The following PCDHGA8 variants were observed in gnomAD, a reference collection of about 807,000 sequenced individuals.
PCDHGA8 encodes the protein protocadherin gamma-A8.
A neutral mutation model predicts 59.2 loss-of-function variants in PCDHGA8; 45 were observed. The observed-to-expected ratio is 0.76, with a 90% CI of 0.60 to 0.98. The LOEUF is 0.98. PCDHGA8 is among the 50% of genes least tolerant of loss of function. The pLI, the probability that PCDHGA8 is intolerant of heterozygous loss-of-function variation, is 0.00. For missense variants in PCDHGA8, 1,257 were observed against 1,196.2 expected (o/e 1.05, Z -0.75); for synonymous variants, 531 against 519.0 (o/e 1.02, Z -0.32).
rs754835805 is a variant in PCDHGA8 at position 141,415,008 on chromosome 5, T to C, written c.2424+19771T>C. ...GCCAGAACGCCTGGCTGTCCTACCGTCTGCTCAAGGCCAGCGAGCCGGGAC... is the reference window on the plus strand; with the variant it reads ...GCCAGAACGCCTGGCTGTCCTACCGCCTGCTCAAGGCCAGCGAGCCGGGAC... On this transcript the variant is annotated intron_variant, in intron 1 of 3. Transcript: ENST00000398604. 3.1e-6 allele frequency: 5 copies of C among 1,613,636 alleles called. No individual in the cohort carries two copies. The South Asian group carries it at 3.3e-5, about 11-fold the overall frequency.
intron 1 of PCDHGA8, among the ~76,000 whole-genome samples, chr5:141,465,091 G>A (rs1689517062): frequency 6.7e-6 from 1 of 149,016 alleles, no homozygotes; most frequent in Non-Finnish European, 1.5e-5. Context: ...CATTTTTCTA[G>A]TAGTTTTTTT....
intron 1 of PCDHGA8, among the ~76,000 whole-genome samples, chr5:141,448,617 T>C (rs1318664360): frequency 2.0e-5 from 3 of 152,150 alleles, no homozygotes; most frequent in Non-Finnish European, 2.9e-5. Flanking sequence ...ACTTTATATC[T>C]TCCTTTCTTC....
In PCDHGA8 at chr5:141,404,595, T is replaced by C. The variant is rs1035989165; in HGVS notation, c.2424+9358T>C. On this transcript the variant is annotated intron_variant, in intron 1 of 3. Transcript: ENST00000398604. ...CCACCACTTAGCAGCAATGTGTCAT[T>C]GAGACTGTTTGTTTTGGACCAGAAT... is the stretch of plus-strand genomic sequence containing the variant. 44 of 1,613,678 alleles carry C rather than the reference T, an allele frequency of 2.7e-5. No homozygotes were observed. Among genetic ancestry groups the C allele is most frequent in the Non-Finnish European group, 3.6e-5 (43 of 1,179,690 alleles).
rs778054090 is a variant in PCDHGA8 at position 141,505,509 on chromosome 5, G to C, written c.2572+28G>C. On this transcript the variant is annotated intron_variant, in intron 3 of 3. Coordinates refer to ENST00000398604, the MANE Select transcript of PCDHGA8 (RefSeq NM_032088.2). ...AAGTGGTGTCAGTGTGTGTATGGAA[G>C]AGTGGGAGACCTGGGGTTCTGGGGT... The C allele has an allele frequency of 3.7e-6, 6 of 1,614,058 alleles. No homozygotes were observed. The East Asian group carries it at 1.1e-4, about 30-fold the overall frequency.
chr5:141,415,071 G>C (rs757356726), intron 1 of PCDHGA8: 5 of 1,613,422 alleles, frequency 3.1e-6, no homozygotes, highest in Non-Finnish European at 1.7e-6. Context: ...AGGTGCGCAC[G>C]GCGCGAGCCC....
At chr5:141,459,670 T>A (rs890411975) in intron 1 of PCDHGA8, among the ~76,000 whole-genome samples, 4 of 152,264 alleles carry the variant, frequency 2.6e-5, no homozygotes, top group African/African-American at 9.6e-5. Context: ...TACATTTTCA[T>A]GAGCAATGCA....
chr5:141,421,246 C>T (rs1047768415), intron 1 of PCDHGA8: 16 of 1,603,622 alleles, frequency 1.0e-5, no homozygotes, highest in Admixed American at 1.7e-5. Flanking sequence ...TCGGCTACAG[C>T]GCGGGGACCG....
chr5:141,427,199 A>G (rs900332017), intron 1 of PCDHGA8: 5 of 456,766 alleles, frequency 1.1e-5, no homozygotes, highest in Non-Finnish European at 2.2e-5. Context: ...AAGACTTAAT[A>G]GACTTCGAAT....
At chr5:141,496,639 C>T (rs752903356) in intron 2 of PCDHGA8, among the ~76,000 whole-genome samples, 1 of 152,222 alleles carries the variant, frequency 6.6e-6, no homozygotes, top group Non-Finnish European at 1.5e-5. Context: ...TTGGGCTGCC[C>T]TTGCCCTTCC....
At chr5:141,452,538 G>T (rs1330051133) in intron 1 of PCDHGA8, among the ~76,000 whole-genome samples, 1 of 152,148 alleles carries the variant, frequency 6.6e-6, no homozygotes, top group Non-Finnish European at 1.5e-5. Flanking sequence ...AGTTCATATT[G>T]ATACCTCCAG....
chr5:141,499,881 T>A (rs2099795027), intron 2 of PCDHGA8, among the ~76,000 whole-genome samples: 1 of 152,082 alleles, frequency 6.6e-6, no homozygotes, highest in African/African-American at 2.4e-5. Flanking sequence ...ACAAACAGGG[T>A]TTCGCCATGT....
In PCDHGA8 at chr5:141,394,968, T is replaced by A; in HGVS notation, c.2155T>A (p.Trp719Arg). The change falls in exon 1 of 4, where the codon TGG becomes AGG. Residue 719 changes from tryptophan to arginine, a missense_variant. Coordinates refer to ENST00000398604, the MANE Select transcript of PCDHGA8 (RefSeq NM_032088.2). Reference sequence around the variant, plus strand: ...GCTTCTGGGGCTCAGGCTGAGGCGCTGGCACAAGTCACGCCTGCTCCAGGA... The same window carrying A: ...GCTTCTGGGGCTCAGGCTGAGGCGCAGGCACAAGTCACGCCTGCTCCAGGA... ...AVLLGLRLRRWHKSRLLQDSG... is the reference protein window; with the variant it reads ...AVLLGLRLRRRHKSRLLQDSG... 1 of 1,613,938 alleles carries A rather than the reference T, an allele frequency of 6.2e-7. No individual in the cohort carries two copies. Among genetic ancestry groups the A allele is most frequent in the Non-Finnish European group, 8.5e-7 (1 of 1,179,874 alleles).
At chr5:141,492,195 CTT>C (rs1240529719) in intron 1 of PCDHGA8, among the ~76,000 whole-genome samples, 1 of 152,242 alleles carries the variant, frequency 6.6e-6, no homozygotes, top group Non-Finnish European at 1.5e-5. Context: ...GTCTGCGGGA[CTT>C]AGGTGTGCGC....
In PCDHGA8 at chr5:141,394,447, A is replaced by T; in HGVS notation, c.1634A>T (p.Asn545Ile). 1 of 1,614,248 alleles carries T rather than the reference A, an allele frequency of 6.2e-7. No homozygotes were observed. The highest frequency in any genetic ancestry group is 8.5e-7 in the Non-Finnish European group (1 of 1,180,046). ...SDSGDPPLSS[N>I]MSLSLFVLDQ... ...AGCGGGGACCCGCCCCTCAGCAGCAACATGTCACTGAGCCTGTTCGTGCTG... is the reference window on the plus strand; with the variant it reads ...AGCGGGGACCCGCCCCTCAGCAGCATCATGTCACTGAGCCTGTTCGTGCTG... The change falls in exon 1 of 4, where the codon AAC becomes ATC. Residue 545 changes from asparagine (N) to isoleucine (I), a missense_variant. Transcript: ENST00000398604.
intron 1 of PCDHGA8, chr5:141,478,289 G>A (rs1210628852): frequency 1.2e-6 from 2 of 1,614,146 alleles, no homozygotes; most frequent in African/African-American, 2.7e-5. Context: ...GCAGTCTAGA[G>A]ACCTATACCG....
chr5:141,404,948 G>C, intron 1 of PCDHGA8: 2 of 1,613,956 alleles, frequency 1.2e-6, no homozygotes, highest in Non-Finnish European at 1.7e-6. Context: ...AGCCATAGCT[G>C]ACAGCATCCC....
At chr5:141,408,428 A>C (rs1397543407) in intron 1 of PCDHGA8, 1 of 1,614,076 alleles carries the variant, frequency 6.2e-7, no homozygotes, top group South Asian at 1.1e-5. Flanking sequence ...GCTGCACTTC[A>C]GCGTAGACGC....
rs572270591 is a variant in PCDHGA8, at chr5:141,397,633, T to C, written c.2424+2396T>C. The stretch of plus-strand genomic sequence containing the variant: ...GGCAATACTTAGTTCTAGCTAAGAG[T>C]TCAAGGTATGTTTGCAGAATGGTGA... On this transcript the variant is annotated intron_variant, in intron 1 of 3. Coordinates refer to ENST00000398604, the MANE Select transcript of PCDHGA8 (RefSeq NM_032088.2). Among the ~76,000 whole-genome samples, 5 of 152,252 alleles carry C rather than the reference T, an allele frequency of 3.3e-5. No homozygotes were observed. In the East Asian group the frequency reaches 9.7e-4, roughly 29 times the overall value.
chr5:141,491,709 C>T lies in PCDHGA8; in HGVS notation c.2425-3098C>T, dbSNP rs2099725685. On this transcript the variant is annotated intron_variant, in intron 1 of 3. Coordinates refer to ENST00000398604, the MANE Select transcript of PCDHGA8 (RefSeq NM_032088.2). The surrounding 1 kb of genome is among the most constrained non-coding windows in gnomAD (Gnocchi z 6.9). The stretch of plus-strand genomic sequence containing the variant: ...TGCGGGAGCGGAGCCAGGTGAGGGG[C>T]TCGGCGCCGCCCCGGGCGACCCCTG... 6.2e-7 allele frequency: 1 copy of T among 1,610,156 alleles called. No homozygotes were observed. Among genetic ancestry groups the T allele is most frequent in the Non-Finnish European group, 8.5e-7 (1 of 1,178,376 alleles).
Sources: allele counts gnomAD v4.1 joint callset (sites outside exome capture counted in the v4.1 genomes callset), GRCh38; gene constraint gnomAD v4.1.1; non-coding constraint Gnocchi (gnomAD v3.1); transcripts MANE v1.5; gene names NCBI Gene and HGNC (gene_info 2026-07-23, HGNC 2026-07-21).